Variants in MCC observed in about 807,000 individuals in gnomAD.
MCC encodes colorectal mutant cancer protein.
Under a neutral mutation model 116.2 loss-of-function variants are expected in MCC, and 90 were observed. That is an observed-to-expected ratio of 0.77 (90% CI 0.65 to 0.92). The LOEUF (loss-of-function observed/expected upper bound fraction) is 0.92. Among genes scored for constraint, MCC ranks in the 40% least tolerant of loss-of-function variants. The pLI, the probability that MCC is intolerant of heterozygous loss-of-function variation, is 0.00. For synonymous variants in MCC, 578 were observed against 510.5 expected, an observed-to-expected ratio of 1.13 and a Z score of -1.78; for missense variants, 1,516 against 1,312.2, an observed-to-expected ratio of 1.16 and a Z score of -2.40.
At chr5:113,048,050 A>C (rs1752229450) in intron 16 of MCC, among the ~76,000 whole-genome samples, 1 of 152,226 alleles carries the variant, frequency 6.6e-6, no homozygotes, top group African/African-American at 2.4e-5. Flanking sequence ...AGAGCCCGTT[A>C]GTGGATCTGG....
At chr5:113,285,232 G>C (rs1252360767) in intron 3 of MCC, among the ~76,000 whole-genome samples, 2 of 152,112 alleles carry the variant, frequency 1.3e-5, no homozygotes, top group African/African-American at 2.4e-5. Context: ...TCTGACGATG[G>C]ATCACTCTGC....
rs111699238 is a variant in MCC, at chr5:113,430,086, T to C, written c.171-44874A>G. ...CTATGGATCCAAGCAACCTTCTCAT[T>C]AGAACTTGGTTGCCTGTTTCTCTTC... On this transcript the variant is annotated intron_variant, in intron 1 of 18. Coordinates refer to ENST00000408903, the MANE Select transcript of MCC (RefSeq NM_001085377.2). Among the ~76,000 whole-genome samples the C allele has an allele frequency of 5.8e-4, 88 of 152,324 alleles. 1 individual carries two copies. The highest frequency in any genetic ancestry group is 2.0e-3 in the African/African-American group (84 of 41,578).
intron 2 of MCC, among the ~76,000 whole-genome samples, chr5:113,384,351 G>A (rs2150393245): frequency 6.6e-6 from 1 of 152,326 alleles, no homozygotes; most frequent in Non-Finnish European, 1.5e-5. Flanking sequence ...CACTTTGGGA[G>A]GCCAAGGCAG....
At chr5:113,087,770 CTTTTT>C (rs35866912) in intron 8 of MCC, among the ~76,000 whole-genome samples, 4 of 143,258 alleles carry the variant, frequency 2.8e-5, no homozygotes, top group Non-Finnish European at 6.1e-5. Context: ...GCCTACTCAT[CTTTTT>C]TTTTTTTTTT....
intron 7 of MCC, among the ~76,000 whole-genome samples, chr5:113,102,996 C>A (rs1756518049): frequency 6.6e-6 from 1 of 152,160 alleles, no homozygotes; most frequent in South Asian, 2.1e-4. Flanking sequence ...CGCCTGTAAT[C>A]CCAGCTACTT....
chr5:113,480,300 C>A (rs995651009), intron 1 of MCC, among the ~76,000 whole-genome samples: 1 of 152,208 alleles, frequency 6.6e-6, no homozygotes, highest in African/African-American at 2.4e-5. Context: ...TCACTGATAA[C>A]TTCAGTTTTG....
chr5:113,433,293 T>C (rs886757062), intron 1 of MCC: 1 of 217,726 alleles, frequency 4.6e-6, no homozygotes, highest in South Asian at 5.9e-5. Flanking sequence ...CCCAGCCTGG[T>C]CCCCTGACCC....
At chr5:113,304,553 A>C (rs1766936504) in intron 3 of MCC, among the ~76,000 whole-genome samples, 1 of 152,184 alleles carries the variant, frequency 6.6e-6, no homozygotes, top group South Asian at 2.1e-4. Flanking sequence ...TCACTACTTT[A>C]TGCAAGCATC....
intron 13 of MCC, among the ~76,000 whole-genome samples, chr5:113,064,816 G>A (rs574852155): frequency 6.6e-6 from 1 of 152,304 alleles, no homozygotes; most frequent in East Asian, 1.9e-4. Flanking sequence ...CACAGACCAG[G>A]CAGTGAAGTC....
chr5:113,130,534 T>G (rs576889237), intron 5 of MCC, among the ~76,000 whole-genome samples: 61 of 152,284 alleles, frequency 4.0e-4, no homozygotes, highest in African/African-American at 1.4e-3. Context: ...GTTTGAATGA[T>G]TGTCCCCTCC....
In MCC at chr5:113,115,219, G is replaced by C. The variant is rs1469203619; in HGVS notation, c.1027+7465C>G. 2.6e-5 allele frequency among the ~76,000 whole-genome samples: 4 copies of C among 152,296 alleles called. 1 individual carries two copies. In the East Asian group the frequency reaches 7.7e-4, roughly 29 times the overall value. ...CTCCTCCTCCCTTGAGGGGTTGAGA[G>C]CTGCAGCCTGAGTAAGCGAGGCACC... is the stretch of plus-strand genomic sequence containing the variant. On this transcript the variant is annotated intron_variant, in intron 6 of 18. Coordinates refer to ENST00000408903, the MANE Select transcript of MCC (RefSeq NM_001085377.2).
At chr5:113,107,279 G>T (rs1756801069) in intron 6 of MCC, among the ~76,000 whole-genome samples, 1 of 146,754 alleles carries the variant, frequency 6.8e-6, no homozygotes, top group Non-Finnish European at 1.5e-5. Context: ...GTGCAGTGGT[G>T]CAGTCTCAGC....
intron 2 of MCC, among the ~76,000 whole-genome samples, chr5:113,367,078 G>A (rs1381146530): frequency 6.6e-6 from 1 of 152,098 alleles, no homozygotes; most frequent in Non-Finnish European, 1.5e-5. Context: ...TGGGATTACA[G>A]GTGTGAGCTG....
At chr5:113,066,506 G>T (rs557964152) in intron 13 of MCC, among the ~76,000 whole-genome samples, 5 of 152,164 alleles carry the variant, frequency 3.3e-5, no homozygotes, top group Non-Finnish European at 7.3e-5. Context: ...ACCAGAGGGA[G>T]GATCAGAGCA....
chr5:113,428,988 T>C lies in MCC; in HGVS notation c.171-43776A>G, dbSNP rs575669728. 1.9e-4 allele frequency among the ~76,000 whole-genome samples: 29 copies of C among 152,330 alleles called. No individual in the cohort carries two copies. The East Asian group carries it at 5.2e-3, about 27-fold the overall frequency. On this transcript the variant is annotated intron_variant, in intron 1 of 18. Transcript: ENST00000408903. Reference sequence around the variant, plus strand: ...TAACCTAGACCTATTAAGGTAATAATGTTGGGTCAGAATTTATATCTGTAA... The same window carrying C: ...TAACCTAGACCTATTAAGGTAATAACGTTGGGTCAGAATTTATATCTGTAA...
intron 3 of MCC, among the ~76,000 whole-genome samples, chr5:113,246,531 A>G (rs935091933): frequency 6.6e-6 from 1 of 152,234 alleles, no homozygotes; most frequent in African/African-American, 2.4e-5. Flanking sequence ...AGGAAAGCCA[A>G]GTGACTACTT....
intron 3 of MCC, among the ~76,000 whole-genome samples, chr5:113,281,123 A>G (rs1286912030): frequency 6.6e-6 from 1 of 152,216 alleles, no homozygotes; most frequent in Non-Finnish European, 1.5e-5. Flanking sequence ...TCTTGCAAAT[A>G]AAAAAGGTAG....
At chr5:113,114,000 T>C (rs1221825163) in intron 6 of MCC, among the ~76,000 whole-genome samples, 1 of 140,446 alleles carries the variant, frequency 7.1e-6, no homozygotes, top group Non-Finnish European at 1.5e-5. Flanking sequence ...ACTGTGTTTA[T>C]TATAGGAGAA....
intron 6 of MCC, among the ~76,000 whole-genome samples, chr5:113,106,783 A>G (rs999972835): frequency 2.6e-5 from 4 of 152,142 alleles, no homozygotes; most frequent in African/African-American, 9.7e-5. Context: ...ACTTTTGGCC[A>G]TAAGCAATCC....
Sources: gnomAD v4.1 joint callset for allele counts (sites outside exome capture counted in the v4.1 genomes callset) on GRCh38, gnomAD v4.1.1 for gene constraint, MANE v1.5 for transcripts, NCBI Gene and HGNC (gene_info 2026-07-23, HGNC 2026-07-21) for gene names.